The following ASIC2 variants were observed in gnomAD, a reference collection of about 807,000 sequenced individuals.
ASIC2 encodes the protein acid-sensing ion channel 2.
Under a neutral mutation model 57.3 loss-of-function variants are expected in ASIC2, and 25 were observed. The ratio of observed to expected loss-of-function variants is 0.44; its 90% CI spans 0.32 to 0.61. The LOEUF is 0.61. Among genes scored for constraint, ASIC2 ranks in the 20% least tolerant of loss-of-function variants. The pLI is 0.06. For synonymous variants in ASIC2, 319 were observed against 307.5 expected (o/e 1.04, Z -0.39); for missense variants, 641 against 738.1 (o/e 0.87, Z 1.52).
intron 1 of ASIC2, among the ~76,000 whole-genome samples, chr17:33,471,029 G>A (rs9894197): frequency 0.01 from 1,574 of 152,210 alleles, 39 homozygotes; most frequent in African/African-American, 0.037. Flanking sequence ...GCTCAGCAAA[G>A]ATACGGTTTG....
At chr17:33,332,444 G>C (rs555269664) in intron 1 of ASIC2, among the ~76,000 whole-genome samples, 62 of 152,162 alleles carry the variant, frequency 4.1e-4, no homozygotes, top group African/African-American at 1.5e-3. Context: ...ATCGAATCTT[G>C]GCGATCTGGT....
chr17:33,622,326 G>A (rs1223274868), intron 1 of ASIC2, among the ~76,000 whole-genome samples: 2 of 152,072 alleles, frequency 1.3e-5, no homozygotes, highest in East Asian at 3.9e-4. Flanking sequence ...AACTTCTGTC[G>A]GGACTAGGCT....
At chr17:33,211,860 C>T (rs910070213) in intron 1 of ASIC2, among the ~76,000 whole-genome samples, 8 of 152,196 alleles carry the variant, frequency 5.3e-5, no homozygotes, top group Admixed American at 1.3e-4. Context: ...CCAGTGAAGA[C>T]GGGTTCCAGG....
At chr17:33,590,207 C>T (rs1421067190) in intron 1 of ASIC2, among the ~76,000 whole-genome samples, 1 of 152,184 alleles carries the variant, frequency 6.6e-6, no homozygotes, top group Non-Finnish European at 1.5e-5. Context: ...CAAGGAACAT[C>T]CTGGGTCTTT....
intron 1 of ASIC2, among the ~76,000 whole-genome samples, chr17:33,703,445 T>C (rs1341472615): frequency 1.3e-5 from 2 of 151,938 alleles, no homozygotes; most frequent in African/African-American, 4.8e-5. Context: ...CTCTGCCTCC[T>C]GGGCTCAAGT....
At position 33,036,469 on chromosome 17, in the gene ASIC2, C is replaced by T. The variant is rs373272512; in HGVS notation, c.988-8077G>A. On this transcript the variant is annotated intron_variant, in intron 3 of 9. Transcript: ENST00000225823. ...TTTTAGAGACAGAGTCTTGCTTTAT[C>T]ACCCAGGCTGGAGTGCAGTGCCATG... Among the ~76,000 whole-genome samples the T allele has an allele frequency of 2.0e-5, 3 of 152,116 alleles. No individual in the cohort carries two copies. The East Asian group carries it at 5.8e-4, about 29-fold the overall frequency.
At chr17:33,880,463 A>G (rs1914671023) in intron 1 of ASIC2, among the ~76,000 whole-genome samples, 1 of 152,220 alleles carries the variant, frequency 6.6e-6, no homozygotes, top group African/African-American at 2.4e-5. Flanking sequence ...CTACCATCAG[A>G]GAATACTATA....
At chr17:33,303,381 C>A (rs1014468230) in intron 1 of ASIC2, among the ~76,000 whole-genome samples, 1 of 152,172 alleles carries the variant, frequency 6.6e-6, no homozygotes. Flanking sequence ...CGGGACAGAA[C>A]TAAAACTATA....
intron 1 of ASIC2, among the ~76,000 whole-genome samples, chr17:33,514,779 A>T (rs1914518509): frequency 6.6e-6 from 1 of 152,172 alleles, no homozygotes; most frequent in African/African-American, 2.4e-5. Context: ...CCTCTACCTC[A>T]TGGGCTACTC....
At chr17:33,210,717 G>A (rs1052629484) in intron 1 of ASIC2, among the ~76,000 whole-genome samples, 3 of 152,194 alleles carry the variant, frequency 2.0e-5, no homozygotes, top group African/African-American at 7.2e-5. Context: ...CCCTCCAAAG[G>A]AAAGCCTCAC....
chr17:33,583,916 A>G (rs1355553662), intron 1 of ASIC2, among the ~76,000 whole-genome samples: 1 of 152,120 alleles, frequency 6.6e-6, no homozygotes, highest in Non-Finnish European at 1.5e-5. Flanking sequence ...CTGAGTGTGT[A>G]GGTCCCAGGC....
chr17:33,314,952 C>A (rs1174933834), intron 1 of ASIC2, among the ~76,000 whole-genome samples: 1 of 152,060 alleles, frequency 6.6e-6, no homozygotes, highest in Non-Finnish European at 1.5e-5. Flanking sequence ...TGCCTCATTT[C>A]AAAGGGATTA....
chr17:33,769,759 G>A (rs1351974065), intron 1 of ASIC2, among the ~76,000 whole-genome samples: 1 of 152,224 alleles, frequency 6.6e-6, no homozygotes, highest in Non-Finnish European at 1.5e-5. Context: ...CAGTTCTGGT[G>A]GATGGGAAGT....
intron 1 of ASIC2, among the ~76,000 whole-genome samples, chr17:33,987,787 C>G (rs568144788): frequency 1.6e-3 from 241 of 152,320 alleles, no homozygotes; most frequent in African/African-American, 5.8e-3. Flanking sequence ...CATGCTTTCA[C>G]TCATTCATTT....
At chr17:33,809,586 C>T (rs1420415815) in intron 1 of ASIC2, among the ~76,000 whole-genome samples, 3 of 152,276 alleles carry the variant, frequency 2.0e-5, no homozygotes, top group African/African-American at 7.2e-5. Context: ...TACACGTATC[C>T]TTAGTGCACA....
intron 1 of ASIC2, among the ~76,000 whole-genome samples, chr17:33,750,641 C>A (rs754458741): frequency 1.3e-5 from 2 of 152,134 alleles, no homozygotes; most frequent in African/African-American, 4.8e-5. Context: ...GGAGTGCACC[C>A]GGATGTCAGA....
At chr17:33,963,090 G>A (rs577833683) in intron 1 of ASIC2, among the ~76,000 whole-genome samples, 2 of 152,266 alleles carry the variant, frequency 1.3e-5, no homozygotes, top group South Asian at 2.1e-4. Context: ...TAAGAACATT[G>A]AGATCTAGAG....
chr17:33,465,372 C>CTTTT (rs67424466), intron 1 of ASIC2, among the ~76,000 whole-genome samples: 3 of 88,276 alleles, frequency 3.4e-5, no homozygotes, highest in Non-Finnish European at 2.3e-5. Context: ...TTTTCTTTTT[C>CTTTT]TTTTTTTTTT....
chr17:33,293,296 G>A (rs1208798539), upstream of ASIC2, among the ~76,000 whole-genome samples: 2 of 152,040 alleles, frequency 1.3e-5, no homozygotes, highest in African/African-American at 2.4e-5. Context: ...CCGCGGCTCC[G>A]GGCGGGCGGG....
Sources: gnomAD v4.1 joint callset for allele counts (sites outside exome capture counted in the v4.1 genomes callset) on GRCh38, gnomAD v4.1.1 for gene constraint, MANE v1.5 for transcripts, NCBI Gene and HGNC (gene_info 2026-07-23, HGNC 2026-07-21) for gene names.